The following CDC42EP1 variants were observed in gnomAD, a reference collection of about 807,000 sequenced individuals.
The protein encoded by CDC42EP1 is CDC42 effector protein 1, also known as 55 kDa bone marrow stromal/endothelial cell protein.
In CDC42EP1, 6 loss-of-function variants were observed where a neutral mutation model predicts 7.4. That is an observed-to-expected ratio of 0.81 (90% CI 0.44 to 1.60). The LOEUF is 1.60. Among genes scored for constraint, CDC42EP1 ranks in the 40% most tolerant of loss-of-function variants. CDC42EP1 has a pLI of 0.01. For missense variants in CDC42EP1, 567 were observed against 539.0 expected (o/e 1.05, Z -0.51); for synonymous variants, 238 against 227.1 (o/e 1.05, Z -0.43).
rs1925265306 is a variant in CDC42EP1, at chr22:37,566,779, C to G, written c.430C>G (p.Pro144Ala). 2 of 1,574,284 alleles carry G rather than the reference C, an allele frequency of 1.3e-6. No homozygotes were observed. Among genetic ancestry groups the G allele is most frequent in the Admixed American group, 1.9e-5 (1 of 52,846 alleles). Reference protein sequence around the residue: ...VVGKLSFDSSPTSSTDGHSSY... With the variant: ...VVGKLSFDSSATSSTDGHSSY... Reference sequence around the variant, plus strand: ...TGGCAAGCTCAGCTTCGACAGCAGCCCCACCAGCTCCACGGACGGCCACTC... The same window carrying G: ...TGGCAAGCTCAGCTTCGACAGCAGCGCCACCAGCTCCACGGACGGCCACTC... The change falls in exon 2 of 3, where the codon CCC (proline) becomes GCC (alanine). Residue 144 changes from proline to alanine, a missense_variant. Transcript: ENST00000249014. This position sits in a 1 kb window ranked among gnomAD's most constrained non-coding sequence, Gnocchi z 6.4.
At chr22:37,561,526 G>C (rs1925040300) in intron 1 of CDC42EP1, among the ~76,000 whole-genome samples, 1 of 152,260 alleles carries the variant, frequency 6.6e-6, no homozygotes, top group South Asian at 2.1e-4. Context: ...TAGCGCGACT[G>C]CGAACAACTA....
At chr22:37,567,848 C>T (rs773050841) in intron 2 of CDC42EP1, among the ~76,000 whole-genome samples, 18 of 152,196 alleles carry the variant, frequency 1.2e-4, no homozygotes, top group Admixed American at 1.3e-4. Context: ...AGCTCCTTCG[C>T]CCCATCCCAA....
intron 1 of CDC42EP1, among the ~76,000 whole-genome samples, chr22:37,563,255 G>A (rs1335852403): frequency 6.6e-6 from 1 of 152,182 alleles, no homozygotes; most frequent in African/African-American, 2.4e-5. Context: ...TCCCTGCTGA[G>A]CAGGGAAACT....
Position 37,560,500 on chromosome 22 carries a change from T to C in CDC42EP1, c.-367T>C, listed in dbSNP as rs1389971669. The C allele has an allele frequency of 6.7e-6, 1 of 148,396 alleles. No individual in the cohort carries two copies. The highest frequency in any genetic ancestry group is 1.5e-5 in the Non-Finnish European group (1 of 66,678). 9.2% of individuals were successfully genotyped at this position (148,396 alleles called of 1,614,324 possible). ...GCGGCGCAGACCGGCCCAGCGACTC[T>C]CCCGGGCTGCCAGCCGGGACGCGCG... is the stretch of plus-strand genomic sequence containing the variant. On this transcript the variant is annotated 5_prime_UTR_variant, in exon 1 of 3. Transcript: ENST00000249014.
Position 37,566,234 on chromosome 22 carries a change from T to G in CDC42EP1, c.-116T>G. 3.3e-6 allele frequency: 2 copies of G among 609,690 alleles called. No individual in the cohort carries two copies. Among genetic ancestry groups the G allele is most frequent in the Non-Finnish European group, 5.6e-6 (2 of 357,174 alleles). The allele number at this position is 609,690 out of a possible 1,614,324, so 37.8% of individuals were successfully genotyped here. On this transcript the variant is annotated 5_prime_UTR_variant, in exon 2 of 3. Coordinates refer to ENST00000249014, the MANE Select transcript of CDC42EP1 (RefSeq NM_152243.3). This position sits in a 1 kb window ranked among gnomAD's most constrained non-coding sequence, Gnocchi z 6.4. ...ATTTGGGGACCTCACCTTAGGAGAG[T>G]GCCATTTACAGCTTCCGCCAGGGCA... is the stretch of plus-strand genomic sequence containing the variant.
rs779848449 is a variant in CDC42EP1, at chr22:37,568,663, G to A, written c.1019G>A (p.Arg340Gln). 3.7e-5 allele frequency: 58 copies of A among 1,558,514 alleles called. No homozygotes were observed. The highest frequency in any genetic ancestry group is 8.1e-5 in the African/African-American group (6 of 74,026). Residue 340 changes from arginine (R) to glutamine (Q), a missense_variant, in exon 3 of 3, where the codon CGG becomes CAG. Physicochemically the swap from Arg to Gln is conservative, Grantham distance 43. Coordinates refer to ENST00000249014, the MANE Select transcript of CDC42EP1 (RefSeq NM_152243.3). Reference protein sequence around the residue: ...HYPEMDARQERVEVLPQARAS... With the variant: ...HYPEMDARQEQVEVLPQARAS... ...CCAGAGATGGATGCGCGGCAGGAGC[G>A]GGTGGAGGTGCTGCCCCAAGCCCGG... is the stretch of plus-strand genomic sequence containing the variant.
chr22:37,565,016 G>C (rs1212761417), intron 1 of CDC42EP1, among the ~76,000 whole-genome samples: 1 of 152,056 alleles, frequency 6.6e-6, no homozygotes, highest in African/African-American at 2.4e-5. Context: ...CTGACCTCGT[G>C]ATCCACCCGC....
At chr22:37,560,994 T>TG (rs1381814360) in intron 1 of CDC42EP1, among the ~76,000 whole-genome samples, 1 of 41,166 alleles carries the variant, frequency 2.4e-5, no homozygotes, top group African/African-American at 9.9e-5. Flanking sequence ...GAGCGGGAAG[T>TG]GGGGGGTGGG....
At chr22:37,564,194 G>A (rs1925143973) in intron 1 of CDC42EP1, among the ~76,000 whole-genome samples, 2 of 152,126 alleles carry the variant, frequency 1.3e-5, no homozygotes, top group South Asian at 4.1e-4. Context: ...TAGAAGGAAA[G>A]GGGTCAGAAC....
At chr22:37,560,990 G>C (rs1314450683) in intron 1 of CDC42EP1, among the ~76,000 whole-genome samples, 1 of 150,508 alleles carries the variant, frequency 6.6e-6, no homozygotes, top group Admixed American at 6.6e-5. Flanking sequence ...CGGAGAGCGG[G>C]AAGTGGGGGG....
At position 37,566,492 on chromosome 22, in the gene CDC42EP1, C is replaced by T. The variant is rs368470734; in HGVS notation, c.143C>T (p.Thr48Ile). ...CACCCACTCGGGGACTTCCGCCACA[C>T]CATGCATGTGGGCCGTGGCGGGGAT... ...ISHPLGDFRH[T>I]MHVGRGGDVF... The change falls in exon 2 of 3, where the codon ACC becomes ATC. Residue 48 changes from threonine (T) to isoleucine (I), a missense_variant. Coordinates refer to ENST00000249014, the MANE Select transcript of CDC42EP1 (RefSeq NM_152243.3). The surrounding 1 kb of genome is among the most constrained non-coding windows in gnomAD (Gnocchi z 6.4). 2.5e-6 allele frequency: 4 copies of T among 1,613,366 alleles called. No homozygotes were observed. The highest frequency in any genetic ancestry group is 3.4e-6 in the Non-Finnish European group (4 of 1,179,634).
Position 37,568,768 on chromosome 22 carries a change from C to G in CDC42EP1, c.1124C>G (p.Ala375Gly). 2 of 1,504,166 alleles carry G rather than the reference C, an allele frequency of 1.3e-6. No homozygotes were observed. Among genetic ancestry groups the G allele is most frequent in the Non-Finnish European group, 1.8e-6 (2 of 1,126,094 alleles). The allele number at this position is 1,504,166 out of a possible 1,614,324, so 93.2% of individuals were successfully genotyped here. ...SRTPVPSTVQ[A>G]NTFEFADAEE... ...ACCCCAGTGCCCAGCACAGTGCAAGCAAACACCTTTGAATTTGCGGATGCT... is the reference window on the plus strand; with the variant it reads ...ACCCCAGTGCCCAGCACAGTGCAAGGAAACACCTTTGAATTTGCGGATGCT... The change falls in exon 3 of 3, where the codon GCA (alanine) becomes GGA (glycine). Residue 375 changes from alanine to glycine, a missense_variant. Coordinates refer to ENST00000249014, the MANE Select transcript of CDC42EP1 (RefSeq NM_152243.3).
Position 37,568,281 on chromosome 22 carries a change from G to C in CDC42EP1, c.637G>C (p.Val213Leu), listed in dbSNP as rs2145813885. 10 of 1,613,490 alleles carry C rather than the reference G, an allele frequency of 6.2e-6. No homozygotes were observed. The African/African-American group carries it at 6.7e-5, about 11-fold the overall frequency. Residue 213 changes from valine to leucine, a missense_variant, in exon 3 of 3, where the codon GTC becomes CTC. By Grantham distance (32) the Val-to-Leu change is conservative. Coordinates refer to ENST00000249014, the MANE Select transcript of CDC42EP1 (RefSeq NM_152243.3). ...GPSLLSELLG[V>L]MSLPEAPAAE... ...CTCACTCCTCAGCGAGCTGCTAGGG[G>C]TCATGAGCCTCCCAGAAGCCCCTGC...
rs1453169554 is a variant in CDC42EP1 at position 37,566,411 on chromosome 22, T to C, written c.62T>C (p.Val21Ala). 1 of 1,603,046 alleles carries C rather than the reference T, an allele frequency of 6.2e-7. No homozygotes were observed. Among genetic ancestry groups the C allele is most frequent in the Admixed American group, 1.7e-5 (1 of 58,614 alleles). The change falls in exon 2 of 3, where the codon GTG becomes GCG. Residue 21 changes from valine to alanine, a missense_variant. Coordinates refer to ENST00000249014, the MANE Select transcript of CDC42EP1 (RefSeq NM_152243.3). This position sits in a 1 kb window ranked among gnomAD's most constrained non-coding sequence, Gnocchi z 6.4. ...ATMSLGKLSP[V>A]GWVSSSQGKR... ...ATGAGCCTGGGCAAGCTCTCGCCTG[T>C]GGGCTGGGTGTCCAGTTCACAGGGA...
chr22:37,569,061 G>C lies in CDC42EP1; in HGVS notation c.*241G>C, dbSNP rs1242016086. 3.5e-5 allele frequency: 13 copies of C among 368,432 alleles called. No individual in the cohort carries two copies. The East Asian group carries it at 4.0e-4, about 11-fold the overall frequency. The allele number at this position is 368,432 out of a possible 1,614,324, so 22.8% of individuals were successfully genotyped here. A position where few individuals can be genotyped will look rare whatever the true frequency, so the allele number is the denominator to read the frequency against. ...GACTGCCACTCTGGACCTAATAGCTGTTCCTTAGGCCCCACTCCATGCCAC... is the reference window on the plus strand; with the variant it reads ...GACTGCCACTCTGGACCTAATAGCTCTTCCTTAGGCCCCACTCCATGCCAC... On this transcript the variant is annotated 3_prime_UTR_variant, in exon 3 of 3. Transcript: ENST00000249014.
In CDC42EP1 at chr22:37,566,649, A is replaced by C; in HGVS notation, c.300A>C (p.Ala100=). The C allele has an allele frequency of 6.3e-7, 1 of 1,598,744 alleles. No individual in the cohort carries two copies. Among genetic ancestry groups the C allele is most frequent in the Non-Finnish European group, 8.5e-7 (1 of 1,171,036 alleles). ...RRVGAPPRRM[A]SPPAPSPAPP... is the part of the protein sequence containing the mutation. The stretch of plus-strand genomic sequence containing the variant: ...TGGGGGCGCCCCCCCGGAGGATGGC[A>C]TCTCCCCCTGCACCCTCCCCGGCTC... Residue 100 remains alanine, a synonymous_variant, in exon 2 of 3, where the codon GCA becomes GCC. Coordinates refer to ENST00000249014, the MANE Select transcript of CDC42EP1 (RefSeq NM_152243.3). The surrounding 1 kb of genome is among the most constrained non-coding windows in gnomAD (Gnocchi z 6.4).
At chr22:37,562,112 A>T (rs917186247) in intron 1 of CDC42EP1, among the ~76,000 whole-genome samples, 8 of 152,054 alleles carry the variant, frequency 5.3e-5, no homozygotes, top group Non-Finnish European at 1.0e-4. Context: ...CTGCACCTGC[A>T]CCCCACACCG....
In CDC42EP1 at chr22:37,568,400, C is replaced by T. The variant is rs750866053; in HGVS notation, c.756C>T (p.Pro252=). The part of the protein sequence containing the change: ...AANPPATTAN[P]PAPAANPSAP... ...ACCCCCCAGCCACTACTGCAAACCC[C>T]CCAGCGCCTGCTGCAAACCCCTCAG... Residue 252 remains proline (P), a synonymous_variant, in exon 3 of 3, where the codon CCC becomes CCT. Transcript: ENST00000249014. The T allele has an allele frequency of 6.6e-7, 1 of 1,505,962 alleles. No homozygotes were observed. 93.3% of individuals were successfully genotyped at this position (1,505,962 alleles called of 1,614,324 possible).
intron 1 of CDC42EP1, among the ~76,000 whole-genome samples, chr22:37,561,167 C>A (rs1335519333): frequency 1.3e-5 from 2 of 152,238 alleles, no homozygotes; most frequent in East Asian, 3.9e-4. Flanking sequence ...CCCGTCCCCC[C>A]AGGGAATGTT....
Sources: gnomAD v4.1 joint callset for allele counts (sites outside exome capture counted in the v4.1 genomes callset) on GRCh38, gnomAD v4.1.1 for gene constraint, Gnocchi (gnomAD v3.1) non-coding constraint, MANE v1.5 for transcripts, NCBI Gene and HGNC (gene_info 2026-07-23, HGNC 2026-07-21) for gene names.